KLF12: variants seen among roughly 807,000 people sequenced by gnomAD.
KLF12 encodes KLF transcription factor 12, also known as Krueppel-like factor 12.
In KLF12, 9 loss-of-function variants were observed where a neutral mutation model predicts 37.8. The observed-to-expected ratio is 0.24, with a 90% CI of 0.14 to 0.42. The LOEUF (loss-of-function observed/expected upper bound fraction) is 0.42. KLF12 is among the 10% of genes least tolerant of loss of function. KLF12 has a pLI of 1.00. For synonymous variants in KLF12, 208 were observed against 202.1 expected (o/e 1.03, Z -0.25); for missense variants, 411 against 516.0 (o/e 0.80, Z 1.97).
intron 1 of KLF12, among the ~76,000 whole-genome samples, chr13:74,032,547 C>G (rs1893141096): frequency 6.6e-6 from 1 of 152,154 alleles, no homozygotes; most frequent in African/African-American, 2.4e-5. Context: ...ACCTACCCAG[C>G]GTTCAGTGTC....
At chr13:74,136,219 T>C (rs1214268706), upstream of KLF12, among the ~76,000 whole-genome samples, 3 of 152,078 alleles carry the variant, frequency 2.0e-5, no homozygotes, top group South Asian at 2.1e-4. Flanking sequence ...GGGAACCCAG[T>C]GGGACTCGGG....
intron 3 of KLF12, among the ~76,000 whole-genome samples, chr13:73,854,707 C>T (rs193087988): frequency 4.0e-4 from 61 of 152,264 alleles, no homozygotes; most frequent in African/African-American, 1.3e-3. Flanking sequence ...TATTTGCATA[C>T]GGCCTACACA....
intron 7 of KLF12, among the ~76,000 whole-genome samples, chr13:73,709,846 G>A (rs144803143): frequency 6.6e-6 from 1 of 152,252 alleles, no homozygotes; most frequent in African/African-American, 2.4e-5. Context: ...TCTGAATGGA[G>A]GCCTCTCGGA....
intron 1 of KLF12, among the ~76,000 whole-genome samples, chr13:74,064,640 A>G (rs949343074): frequency 1.3e-5 from 2 of 152,238 alleles, no homozygotes; most frequent in Non-Finnish European, 2.9e-5. Flanking sequence ...CAAAGACACA[A>G]TGGAGATTCT....
At chr13:73,938,443 C>A (rs926105881) in intron 3 of KLF12, among the ~76,000 whole-genome samples, 4 of 152,100 alleles carry the variant, frequency 2.6e-5, no homozygotes, top group African/African-American at 7.2e-5. Context: ...CGACTGGAGT[C>A]TTTTTCAAAA....
intron 4 of KLF12, among the ~76,000 whole-genome samples, chr13:73,821,555 C>T (rs1883527417): frequency 6.6e-6 from 1 of 152,154 alleles, no homozygotes; most frequent in Non-Finnish European, 1.5e-5. Context: ...TTTCTTTTCC[C>T]ACTGCTTTTC....
At chr13:73,967,105 A>G (rs992501835) in intron 2 of KLF12, among the ~76,000 whole-genome samples, 6 of 152,210 alleles carry the variant, frequency 3.9e-5, no homozygotes, top group Admixed American at 6.5e-5. Flanking sequence ...TATGAATGCA[A>G]ATGTAACACT....
At chr13:73,803,771 G>GTC (rs1317803427) in intron 5 of KLF12, among the ~76,000 whole-genome samples, 24 of 91,954 alleles carry the variant, frequency 2.6e-4, no homozygotes, top group African/African-American at 1.2e-3. Flanking sequence ...ATACTGCAGA[G>GTC]TCACACACAC....
the KLF12 span, among the ~76,000 whole-genome samples, chr13:74,140,124 T>A: frequency 6.6e-6 from 1 of 152,218 alleles, no homozygotes; most frequent in African/African-American, 2.4e-5. Flanking sequence ...AAAAATACAA[T>A]TTTATTTTAG....
chr13:73,748,683 T>C (rs185800092), intron 6 of KLF12, among the ~76,000 whole-genome samples: 2 of 152,186 alleles, frequency 1.3e-5, no homozygotes, highest in East Asian at 1.9e-4. Flanking sequence ...GGTATTTTTT[T>C]AATGGCAGGC....
intron 3 of KLF12, among the ~76,000 whole-genome samples, chr13:73,926,211 G>C (rs775518712): frequency 2.0e-5 from 3 of 152,154 alleles, no homozygotes; most frequent in Non-Finnish European, 4.4e-5. Context: ...TATGAAAGAA[G>C]AGTCAACTGA....
At chr13:74,220,115 T>A in the KLF12 span, among the ~76,000 whole-genome samples, 25 of 152,326 alleles carry the variant, frequency 1.6e-4, no homozygotes, top group Non-Finnish European at 3.1e-4. Flanking sequence ...TGCCTTTTTG[T>A]GCATTGTTTT....
Position 73,717,833 on chromosome 13 carries a change from T to A in KLF12, c.870-2308A>T, listed in dbSNP as rs568017440. On this transcript the variant is annotated intron_variant, in intron 6 of 7. Transcript: ENST00000377669. ...AGCTGTAGTTACTCCTGACAAGGTA[T>A]ATTTTTATCACTGGGTTTGAGTCCC... Among the ~76,000 whole-genome samples, 3 of 152,314 alleles carry A rather than the reference T, an allele frequency of 2.0e-5. No individual in the cohort carries two copies. The East Asian group carries it at 5.8e-4, about 29-fold the overall frequency.
At chr13:73,958,158 A>G (rs1038756919) in intron 2 of KLF12, among the ~76,000 whole-genome samples, 6 of 152,242 alleles carry the variant, frequency 3.9e-5, no homozygotes, top group African/African-American at 1.4e-4. Context: ...GACTTAGTAT[A>G]AAAAATAGAA....
intron 1 of KLF12, among the ~76,000 whole-genome samples, chr13:73,998,036 C>A (rs1457275775): frequency 6.6e-6 from 1 of 152,096 alleles, no homozygotes; most frequent in Non-Finnish European, 1.5e-5. Flanking sequence ...TAAATTCTTT[C>A]CTTTCTCTTT....
At chr13:74,285,849 T>A in the KLF12 span, among the ~76,000 whole-genome samples, 3 of 152,324 alleles carry the variant, frequency 2.0e-5, no homozygotes, top group East Asian at 5.8e-4. Flanking sequence ...AAAAGAGGTA[T>A]AAGCATTTTT....
intron 3 of KLF12, among the ~76,000 whole-genome samples, chr13:73,848,120 C>T (rs1031554604): frequency 2.6e-5 from 4 of 152,152 alleles, no homozygotes; most frequent in Non-Finnish European, 5.9e-5. Flanking sequence ...TCTCCTTTTA[C>T]CGTATCAACA....
chr13:73,992,167 A>G (rs1414463870), intron 2 of KLF12, among the ~76,000 whole-genome samples: 3 of 152,212 alleles, frequency 2.0e-5, no homozygotes, highest in Admixed American at 2.0e-4. Flanking sequence ...CTGGGTAAAC[A>G]TATTGAAATG....
chr13:73,850,939 C>A (rs751871501), intron 3 of KLF12, among the ~76,000 whole-genome samples: 4 of 152,146 alleles, frequency 2.6e-5, no homozygotes, highest in Non-Finnish European at 5.9e-5. Context: ...TGATATTATA[C>A]AAAGAAAATT....
Sources: gnomAD v4.1 joint callset for allele counts (sites outside exome capture counted in the v4.1 genomes callset) on GRCh38, gnomAD v4.1.1 for gene constraint, MANE v1.5 for transcripts, NCBI Gene and HGNC (gene_info 2026-07-23, HGNC 2026-07-21) for gene names.